Variants in PARD3 observed in about 807,000 individuals in gnomAD.
The protein encoded by PARD3 is par-3 family cell polarity regulator.
In PARD3, 75 loss-of-function variants were observed where a neutral mutation model predicts 155.4. That is an observed-to-expected ratio of 0.48 (90% CI 0.40 to 0.58). The LOEUF is 0.58. PARD3 is among the 20% of genes least tolerant of loss of function. The pLI, the probability that PARD3 is intolerant of heterozygous loss-of-function variation, is 0.00. For missense variants in PARD3, 1,642 were observed against 1,721.7 expected, an observed-to-expected ratio of 0.95 and a Z score of 0.82; for synonymous variants, 576 against 610.5, an observed-to-expected ratio of 0.94 and a Z score of 0.83.
intron 1 of PARD3, among the ~76,000 whole-genome samples, chr10:34,709,046 A>T (rs2094411366): frequency 6.6e-6 from 1 of 152,202 alleles, no homozygotes; most frequent in Non-Finnish European, 1.5e-5. Context: ...ATGTACATAT[A>T]CATATAAACA....
chr10:34,568,137 C>T (rs573719340), intron 2 of PARD3, among the ~76,000 whole-genome samples: 177 of 152,262 alleles, frequency 1.2e-3, no homozygotes, highest in Non-Finnish European at 1.5e-3. Context: ...GTCTGTTATC[C>T]ACAGTTCTTA....
At position 34,729,885 on chromosome 10, in the gene PARD3, G is replaced by A. The variant is rs1478457971; in HGVS notation, c.121-33466C>T. ...CCCCAGGGAGAGATTAAATTTAAAC[G>A]GATTGGAAAGAGAAGGAAAGATCCT... On this transcript the variant is annotated intron_variant, in intron 1 of 24. Transcript: ENST00000374788. Among the ~76,000 whole-genome samples the A allele has an allele frequency of 2.6e-5, 4 of 151,954 alleles. No homozygotes were observed. In the East Asian group the frequency reaches 5.8e-4, roughly 22 times the overall value.
chr10:34,769,804 C>A (rs11816273), intron 1 of PARD3, among the ~76,000 whole-genome samples: 38,064 of 141,736 alleles, frequency 0.27, 5,616 homozygotes, highest in East Asian at 0.51. Context: ...AAAAACAAAA[C>A]AAAAAAAAAA....
chr10:34,504,026 C>T (rs571137636), intron 3 of PARD3, among the ~76,000 whole-genome samples: 32 of 152,116 alleles, frequency 2.1e-4, no homozygotes, highest in Admixed American at 2.0e-3. Flanking sequence ...TTTATAAAAA[C>T]GAGCTTTACT....
chr10:34,502,015 T>C lies in PARD3; in HGVS notation c.403+14964A>G, dbSNP rs1343968392. Among the ~76,000 whole-genome samples the C allele has an allele frequency of 5.3e-5, 8 of 152,150 alleles. No individual in the cohort carries two copies. In the East Asian group the frequency reaches 1.4e-3, roughly 26 times the overall value. ...TTGCTCCTCCCACCATGTAAAGACA[T>C]ATTGAGAAGTAAAGATCTATGAGAA... On this transcript the variant is annotated intron_variant, in intron 3 of 24. Transcript: ENST00000374788.
chr10:34,149,547 A>T (rs544851787), intron 22 of PARD3, among the ~76,000 whole-genome samples: 3 of 152,288 alleles, frequency 2.0e-5, no homozygotes, highest in African/African-American at 7.2e-5. Flanking sequence ...GATTTGTTAT[A>T]TAATTTTTCT....
At chr10:34,737,640 C>T (rs143898206) in intron 1 of PARD3, among the ~76,000 whole-genome samples, 22 of 152,248 alleles carry the variant, frequency 1.4e-4, no homozygotes, top group Non-Finnish European at 2.5e-4. Flanking sequence ...AGAAAAGGGC[C>T]CTCGGCTCCC....
At chr10:34,291,391 C>G (rs1459464968) in intron 20 of PARD3, among the ~76,000 whole-genome samples, 1 of 152,184 alleles carries the variant, frequency 6.6e-6, no homozygotes, top group Admixed American at 6.5e-5. Context: ...ATTCCAAGAC[C>G]TATGAAGTTC....
At chr10:34,379,632 A>C (rs1841621369) in intron 9 of PARD3, among the ~76,000 whole-genome samples, 1 of 152,124 alleles carries the variant, frequency 6.6e-6, no homozygotes, top group Non-Finnish European at 1.5e-5. Flanking sequence ...TATCAGCAAC[A>C]ACCCCTAAAT....
In PARD3 at chr10:34,716,585, C is replaced by CTTTTTTTTTTTTTTTT. The variant is rs34751073; in HGVS notation, c.121-20182_121-20167dup. ...CTACGTGTGGCCCAGGATGGCTTTTCTTTTTTTTTTTTTTTTTTTTTTTTG... is the reference window on the plus strand; with the variant it reads ...CTACGTGTGGCCCAGGATGGCTTTTCTTTTTTTTTTTTTTTTTTTTTTTTTTTTTTTTTTTTTTTTG... On this transcript the variant is annotated intron_variant, in intron 1 of 24. Coordinates refer to ENST00000374788, the MANE Select transcript of PARD3 (RefSeq NM_001184785.2). 5.5e-5 allele frequency among the ~76,000 whole-genome samples: 4 copies of CTTTTTTTTTTTTTTTT among 73,248 alleles called. 1 individual carries two copies. The highest frequency in any genetic ancestry group is 5.1e-5 in the Non-Finnish European group (2 of 39,416). The allele number at this position is 73,248 out of a possible 152,430, so 48.1% of individuals were successfully genotyped here.
chr10:34,677,113 T>G (rs1461908160), intron 2 of PARD3, among the ~76,000 whole-genome samples: 3 of 152,146 alleles, frequency 2.0e-5, no homozygotes, highest in Non-Finnish European at 2.9e-5. Context: ...ACATATAAAA[T>G]AGAGATTTGG....
At chr10:34,131,764 G>A (rs908993813) in intron 22 of PARD3, among the ~76,000 whole-genome samples, 181 bp from the exon 23 acceptor site, 3 of 152,000 alleles carry the variant, frequency 2.0e-5, no homozygotes, top group Non-Finnish European at 4.4e-5. Flanking sequence ...AAGGCTTATT[G>A]AGGTATTTTA....
intron 2 of PARD3, among the ~76,000 whole-genome samples, chr10:34,671,650 T>C (rs1047485388): frequency 6.6e-6 from 1 of 151,940 alleles, no homozygotes; most frequent in Non-Finnish European, 1.5e-5. Flanking sequence ...AAGCAGAAAC[T>C]GAAAGGGGTA....
At chr10:34,727,191 G>A (rs1240162480) in intron 1 of PARD3, among the ~76,000 whole-genome samples, 1 of 152,170 alleles carries the variant, frequency 6.6e-6, no homozygotes, top group Non-Finnish European at 1.5e-5. Flanking sequence ...GCCTATGGGA[G>A]CCAGGCAGGT....
At chr10:34,138,835 C>A (rs1243638661) in intron 22 of PARD3, among the ~76,000 whole-genome samples, 3 of 152,036 alleles carry the variant, frequency 2.0e-5, no homozygotes, top group Non-Finnish European at 4.4e-5. Flanking sequence ...GAATTTCACA[C>A]CTGCACTTGG....
chr10:34,220,267 G>A (rs1018018832), intron 22 of PARD3, among the ~76,000 whole-genome samples: 2 of 152,096 alleles, frequency 1.3e-5, no homozygotes, highest in African/African-American at 4.8e-5. Context: ...CCACAGAGAC[G>A]ATAGGGAGTG....
intron 16 of PARD3, among the ~76,000 whole-genome samples, chr10:34,338,424 T>C (rs928228346): frequency 2.0e-5 from 3 of 152,232 alleles, no homozygotes; most frequent in Non-Finnish European, 2.9e-5. Context: ...GGTAAGTAAG[T>C]ATACTAGCTC....
chr10:34,574,126 T>C (rs1175920091), intron 2 of PARD3, among the ~76,000 whole-genome samples: 1 of 152,140 alleles, frequency 6.6e-6, no homozygotes, highest in Non-Finnish European at 1.5e-5. Flanking sequence ...ATTATTCATT[T>C]ATTTGTATTT....
intron 3 of PARD3, among the ~76,000 whole-genome samples, chr10:34,516,146 G>C (rs765179225): frequency 6.6e-6 from 1 of 151,926 alleles, no homozygotes; most frequent in Non-Finnish European, 1.5e-5. Flanking sequence ...TGTATTTTTA[G>C]TAGAGATGGG....
Sources: allele counts gnomAD v4.1 joint callset (sites outside exome capture counted in the v4.1 genomes callset), GRCh38; gene constraint gnomAD v4.1.1; transcripts MANE v1.5; gene names NCBI Gene and HGNC (gene_info 2026-07-23, HGNC 2026-07-21).